The following HMG20A variants were observed in gnomAD, a reference collection of about 807,000 sequenced individuals.
HMG20A encodes high mobility group 20A.
A neutral mutation model predicts 43.9 loss-of-function variants in HMG20A; 17 were observed. That is an observed-to-expected ratio of 0.39 (90% CI 0.27 to 0.58). The LOEUF is 0.58. Among genes scored for constraint, HMG20A ranks in the 20% least tolerant of loss-of-function variants. The probability of loss-of-function intolerance (pLI) is 0.59; values close to 1 mark genes in which losing one functional copy is unlikely to be tolerated. For missense variants in HMG20A, 341 were observed against 438.2 expected (o/e 0.78, Z 1.98); for synonymous variants, 132 against 147.5 (o/e 0.89, Z 0.76).
chr15:77,503,010 T>C, the HMG20A span, among the ~76,000 whole-genome samples: 6 of 152,190 alleles, frequency 3.9e-5, no homozygotes, highest in Non-Finnish European at 8.8e-5. Context: ...AGTGTTGATG[T>C]ACTCCTTTCT....
chr15:77,497,064 C>T, the HMG20A span, among the ~76,000 whole-genome samples: 2 of 152,218 alleles, frequency 1.3e-5, no homozygotes, highest in East Asian at 3.8e-4. Context: ...AAGCCGGCAG[C>T]TCTGTTACAA....
intron 1 of HMG20A, among the ~76,000 whole-genome samples, chr15:77,444,742 T>G (rs1268318406): frequency 6.6e-6 from 1 of 152,242 alleles, no homozygotes; most frequent in Non-Finnish European, 1.5e-5. Flanking sequence ...TGTAACTTTC[T>G]GAAGTCCTGA....
intron 9 of HMG20A, among the ~76,000 whole-genome samples, chr15:77,481,313 ACTG>A (rs1321358945): frequency 1.3e-5 from 2 of 152,228 alleles, no homozygotes; most frequent in African/African-American, 4.8e-5. Flanking sequence ...AAGTGGCATT[ACTG>A]CTGCTGCTTA....
chr15:77,461,060 C>G (rs745949330), intron 2 of HMG20A, among the ~76,000 whole-genome samples: 1 of 151,036 alleles, frequency 6.6e-6, no homozygotes, highest in African/African-American at 2.4e-5. Flanking sequence ...CTAGAAAGGT[C>G]GCAGAAAAGC....
chr15:77,437,975 T>C (rs930588074), intron 1 of HMG20A, among the ~76,000 whole-genome samples: 11 of 151,794 alleles, frequency 7.2e-5, no homozygotes, highest in Non-Finnish European at 1.6e-4. Flanking sequence ...TGTTCGTTTT[T>C]TTGAGACAAG....
In HMG20A at chr15:77,428,583, C is replaced by T. The variant is rs528828431; in HGVS notation, c.-5+7579C>T. 1.0e-3 allele frequency among the ~76,000 whole-genome samples: 154 copies of T among 152,198 alleles called. No individual in the cohort carries two copies. The Middle Eastern group carries it at 0.01, about 10-fold the overall frequency. On this transcript the variant is annotated intron_variant, in intron 1 of 9. Transcript: ENST00000336216. Reference sequence around the variant, plus strand: ...TATCAGGAATATAAAACAAGAGATACGATGTTCCAATTCTGGCTTTAGTCG... The same window carrying T: ...TATCAGGAATATAAAACAAGAGATATGATGTTCCAATTCTGGCTTTAGTCG...
chr15:77,459,851 T>C (rs1202498681), intron 2 of HMG20A, among the ~76,000 whole-genome samples: 1 of 152,300 alleles, frequency 6.6e-6, no homozygotes, highest in South Asian at 2.1e-4. Flanking sequence ...ATTCTACATT[T>C]CTAACAAGCT....
chr15:77,458,355 A>G, intron 1 of HMG20A, 49 bp from the exon 2 acceptor site: 1 of 1,211,196 alleles, frequency 8.3e-7, no homozygotes, highest in Non-Finnish European at 1.2e-6. Context: ...GGAACTTGAA[A>G]TGGAAGTAAT....
the HMG20A span, among the ~76,000 whole-genome samples, chr15:77,501,685 T>G: frequency 1.3e-4 from 20 of 152,368 alleles, no homozygotes; most frequent in Middle Eastern, 0.02. Context: ...CCTTAGGTAC[T>G]TTGGGCTTGA....
At chr15:77,478,697 A>T (rs907399) in intron 8 of HMG20A, among the ~76,000 whole-genome samples, 187 bp downstream of exon 8, 5 of 152,178 alleles carry the variant, frequency 3.3e-5, no homozygotes, top group Non-Finnish European at 5.9e-5. Context: ...CCAATGTTTC[A>T]GGCTCTCTGG....
chr15:77,463,054 G>A (rs1267547603), intron 2 of HMG20A, among the ~76,000 whole-genome samples: 1 of 152,116 alleles, frequency 6.6e-6, no homozygotes, highest in African/African-American at 2.4e-5. Flanking sequence ...TTACAGGCGT[G>A]AGGCACCACA....
intron 1 of HMG20A, among the ~76,000 whole-genome samples, chr15:77,432,834 G>GA (rs199664935): frequency 2.2e-3 from 310 of 138,116 alleles, no homozygotes; most frequent in Non-Finnish European, 3.1e-3. Context: ...TATTGATAAA[G>GA]AAAAAAAAAA....
the HMG20A span, among the ~76,000 whole-genome samples, chr15:77,500,720 C>A: frequency 1.8e-3 from 275 of 152,240 alleles, 2 homozygotes; most frequent in African/African-American, 6.1e-3. Context: ...AGGTGCCTAC[C>A]ACCATGACCG....
rs1038840680 is a variant in HMG20A, at chr15:77,466,442, G to A, written c.238-653G>A. On this transcript the variant is annotated intron_variant, in intron 3 of 9. Coordinates refer to ENST00000336216, the MANE Select transcript of HMG20A (RefSeq NM_001304504.2). ...AACAAATTGTCAAGCCAAAGAGCTC[G>A]TCTTCATTTCAGATATATTATACTT... is the stretch of plus-strand genomic sequence containing the variant. Among the ~76,000 whole-genome samples, 10 of 152,188 alleles carry A rather than the reference G, an allele frequency of 6.6e-5. 1 individual carries two copies. Among genetic ancestry groups the A allele is most frequent in the Non-Finnish European group, 5.9e-5 (4 of 67,978 alleles).
chr15:77,477,842 A>G (rs545221484), intron 7 of HMG20A, among the ~76,000 whole-genome samples: 23 of 152,304 alleles, frequency 1.5e-4, no homozygotes, highest in Non-Finnish European at 2.8e-4. Context: ...CTTGTCTTCA[A>G]ACTCTTAGCC....
the HMG20A span, among the ~76,000 whole-genome samples, chr15:77,509,805 G>T: frequency 1.1e-4 from 17 of 151,856 alleles, no homozygotes; most frequent in African/African-American, 3.1e-4. Flanking sequence ...TACCTGGGAG[G>T]CTGAGTCAGG....
At chr15:77,509,918 A>G in the HMG20A span, among the ~76,000 whole-genome samples, 1 of 151,846 alleles carries the variant, frequency 6.6e-6, no homozygotes, top group African/African-American at 2.4e-5. Flanking sequence ...AAAAAAAAAA[A>G]AACTACCCAA....
At chr15:77,456,376 A>G (rs2072654262) in intron 1 of HMG20A, among the ~76,000 whole-genome samples, 1 of 152,174 alleles carries the variant, frequency 6.6e-6, no homozygotes, top group South Asian at 2.1e-4. Context: ...TTCTAGGGAT[A>G]CTTTTAGAAA....
At chr15:77,503,882 C>T in the HMG20A span, among the ~76,000 whole-genome samples, 1 of 152,108 alleles carries the variant, frequency 6.6e-6, no homozygotes, top group African/African-American at 2.4e-5. Flanking sequence ...CTTTGAATAG[C>T]GAGGTAGTGC....
Sources: allele counts gnomAD v4.1 joint callset (sites outside exome capture counted in the v4.1 genomes callset), GRCh38; gene constraint gnomAD v4.1.1; transcripts MANE v1.5; gene names NCBI Gene and HGNC (gene_info 2026-07-23, HGNC 2026-07-21).